Variants in SP140L observed in about 807,000 individuals in gnomAD.
The protein encoded by SP140L is SP140 like nuclear body protein, also known as nuclear body protein SP140-like protein.
Under a neutral mutation model 84.3 loss-of-function variants are expected in SP140L, and 64 were observed. The observed-to-expected ratio is 0.76, with a 90% confidence interval of 0.62 to 0.94. The LOEUF (loss-of-function observed/expected upper bound fraction) is 0.94, where lower values mean the gene tolerates loss of function less well. Among genes scored for constraint, SP140L ranks in the 40% least tolerant of loss-of-function variants. SP140L has a pLI of 0.00. For missense variants in SP140L, 628 were observed against 692.5 expected (o/e 0.91, Z 1.05); for synonymous variants, 242 against 236.9 (o/e 1.02, Z -0.20).
rs2061418590 is a variant in SP140L, at chr2:230,381,805, C to G, written c.638-1705C>G. Among the ~76,000 whole-genome samples, 4 of 151,928 alleles carry G rather than the reference C, an allele frequency of 2.6e-5. No homozygotes were observed. In the South Asian group the frequency reaches 8.3e-4, roughly 31 times the overall value. ...TTTAGGTCTTTAGGTCCCTTATGAC[C>G]AGCTGACCACCTCTAAGGTACAAGT... On this transcript the variant is annotated intron_variant, in intron 7 of 18. Transcript: ENST00000415673.
intron 7 of SP140L, among the ~76,000 whole-genome samples, chr2:230,378,364 T>C (rs535056112): frequency 2.4e-4 from 36 of 152,298 alleles, no homozygotes; most frequent in African/African-American, 8.4e-4. Context: ...AGGTGCCTGC[T>C]AAGCTCCAGC....
At chr2:230,336,725 T>C (rs987588823) in intron 2 of SP140L, among the ~76,000 whole-genome samples, 1 of 152,246 alleles carries the variant, frequency 6.6e-6, no homozygotes, top group Non-Finnish European at 1.5e-5. Flanking sequence ...ATTTTTTTAC[T>C]ACAATTGTGA....
intron 5 of SP140L, among the ~76,000 whole-genome samples, chr2:230,363,803 G>T (rs73110380): frequency 0.012 from 1,880 of 151,964 alleles, 42 homozygotes; most frequent in African/African-American, 0.043. Context: ...GCAGCTTCAG[G>T]TATTAAATTT....
At position 230,384,660 on chromosome 2, in the gene SP140L, C is replaced by T. The variant is rs562355495; in HGVS notation, c.704-564C>T. ...GGGCATGGTGGCTCATGCCTGTAAC[C>T]CCAACACTTTGGGAGGCTGAGGCGG... On this transcript the variant is annotated intron_variant, in intron 8 of 18. Coordinates refer to ENST00000415673, the MANE Select transcript of SP140L (RefSeq NM_138402.6). Among the ~76,000 whole-genome samples, 3 of 152,158 alleles carry T rather than the reference C, an allele frequency of 2.0e-5. No individual in the cohort carries two copies. The South Asian group carries it at 6.2e-4, about 32-fold the overall frequency.
intron 5 of SP140L, 39 bp from the exon 6 acceptor site, chr2:230,370,869 G>T (rs1359147363): frequency 6.2e-7 from 1 of 1,604,276 alleles, no homozygotes; most frequent in South Asian, 1.1e-5. Context: ...CGACCAGCAT[G>T]TGAAAATGAG....
intron 11 of SP140L, among the ~76,000 whole-genome samples, chr2:230,391,352 C>T (rs555320512): frequency 4.7e-4 from 71 of 152,286 alleles, no homozygotes; most frequent in Admixed American, 1.1e-3. Flanking sequence ...TATGAAGGCT[C>T]CCATTTCTCT....
At chr2:230,342,155 G>A (rs12475879) in intron 2 of SP140L, 22,735 of 166,562 alleles carry the variant, frequency 0.14, 2,343 homozygotes, top group East Asian at 0.49. Flanking sequence ...GTCCGTGGGC[G>A]TAGGACCTTC....
At chr2:230,334,435 C>T (rs895333142) in intron 2 of SP140L, among the ~76,000 whole-genome samples, 1 of 152,174 alleles carries the variant, frequency 6.6e-6, no homozygotes, top group Non-Finnish European at 1.5e-5. Context: ...TGGGATTTCA[C>T]AGGGAACAAA....
At chr2:230,346,591 G>A (rs912142477) in intron 2 of SP140L, among the ~76,000 whole-genome samples, 30 of 151,538 alleles carry the variant, frequency 2.0e-4, no homozygotes, top group African/African-American at 6.3e-4. Flanking sequence ...TGTTCTTTTT[G>A]CTCCTCTAAG....
chr2:230,380,365 G>T (rs908995623), intron 7 of SP140L, among the ~76,000 whole-genome samples: 2 of 152,108 alleles, frequency 1.3e-5, no homozygotes, highest in African/African-American at 2.4e-5. Flanking sequence ...GACAAACCAT[G>T]TCACTATCCA....
chr2:230,360,616 C>T (rs905951326), intron 4 of SP140L, among the ~76,000 whole-genome samples: 1 of 152,202 alleles, frequency 6.6e-6, no homozygotes, highest in Non-Finnish European at 1.5e-5. Flanking sequence ...TGCCCACATT[C>T]TCAGGGGCTC....
At chr2:230,345,595 CCTTT>C (rs2060185132) in intron 2 of SP140L, among the ~76,000 whole-genome samples, 1 of 136,752 alleles carries the variant, frequency 7.3e-6, no homozygotes, top group Non-Finnish European at 1.6e-5. Context: ...TTTTTTTTTT[CCTTT>C]CTTTTTTTCT....
At chr2:230,370,053 T>C (rs2061011918) in intron 5 of SP140L, among the ~76,000 whole-genome samples, 1 of 152,210 alleles carries the variant, frequency 6.6e-6, no homozygotes, top group Non-Finnish European at 1.5e-5. Context: ...ATTACAGGCA[T>C]GAGCCACCGC....
At chr2:230,385,010 T>C (rs2061526937) in intron 8 of SP140L, among the ~76,000 whole-genome samples, 3 of 152,244 alleles carry the variant, frequency 2.0e-5, no homozygotes, top group Non-Finnish European at 4.4e-5. Context: ...TAAGTCTGTG[T>C]GTATTATCCT....
chr2:230,346,167 C>T (rs1022660564), intron 2 of SP140L, among the ~76,000 whole-genome samples: 3 of 152,076 alleles, frequency 2.0e-5, no homozygotes. Flanking sequence ...TCTTGGTTGG[C>T]AGTTTTTTTT....
chr2:230,333,211 T>C (rs942684258), intron 2 of SP140L, among the ~76,000 whole-genome samples: 15 of 151,042 alleles, frequency 9.9e-5, no homozygotes, highest in African/African-American at 3.2e-4. Flanking sequence ...CAGGCTGGAG[T>C]GCAGTGGCAC....
In SP140L at chr2:230,401,537, G is replaced by A. The variant is rs111619429; in HGVS notation, c.1500+94G>A. 153,782 of 946,696 alleles carry A rather than the reference G, an allele frequency of 0.16. 23,512 individuals are homozygous for A. Among genetic ancestry groups the A allele is most frequent in the Non-Finnish European group, 0.17 (106,487 of 637,600 alleles). The allele number at this position is 946,696 out of a possible 1,614,324, so 58.6% of individuals were successfully genotyped here. A position where few individuals can be genotyped will look rare whatever the true frequency, so the allele number is the denominator to read the frequency against. Reference sequence around the variant, plus strand: ...TGAGATTTGTGATCTTAATCCCACGGGGCAAGAGCACACGCTGTCATTAGT... The same window carrying A: ...TGAGATTTGTGATCTTAATCCCACGAGGCAAGAGCACACGCTGTCATTAGT... On this transcript the variant is annotated intron_variant, in intron 17 of 18. Coordinates refer to ENST00000415673, the MANE Select transcript of SP140L (RefSeq NM_138402.6).
Position 230,383,504 on chromosome 2 carries a change from T to A in SP140L, c.638-6T>A. 2 of 1,599,602 alleles carry A rather than the reference T, an allele frequency of 1.3e-6. No individual in the cohort carries two copies. The highest frequency in any genetic ancestry group is 1.7e-6 in the Non-Finnish European group (2 of 1,172,842). On this transcript the variant is annotated splice_region_variant and splice_polypyrimidine_tract_variant and intron_variant, in intron 7 of 18. Transcript: ENST00000415673. ...TATAATTAACTTTATTCTCTTTGGT[T>A]TGAAGGAAAAAAGAAGGGGCATGGC... is the stretch of plus-strand genomic sequence containing the variant.
At chr2:230,398,587 A>T (rs1326492945) in intron 14 of SP140L, among the ~76,000 whole-genome samples, 1 of 152,236 alleles carries the variant, frequency 6.6e-6, no homozygotes, top group Non-Finnish European at 1.5e-5. Flanking sequence ...CAGCCAAAAA[A>T]CTGTGAGTTC....
Sources: gnomAD v4.1 joint callset for allele counts (sites outside exome capture counted in the v4.1 genomes callset) on GRCh38, gnomAD v4.1.1 for gene constraint, MANE v1.5 for transcripts, NCBI Gene and HGNC (gene_info 2026-07-23, HGNC 2026-07-21) for gene names.